Variants in ACSBG1 observed in about 807,000 individuals in gnomAD.
ACSBG1 encodes long-chain-fatty-acid--CoA ligase ACSBG1.
A neutral mutation model predicts 80.2 loss-of-function variants in ACSBG1; 39 were observed. The observed-to-expected ratio is 0.49, with a 90% confidence interval of 0.38 to 0.64. The LOEUF (loss-of-function observed/expected upper bound fraction) is 0.64, where lower values mean the gene tolerates loss of function less well. Among genes scored for constraint, ACSBG1 ranks in the 30% least tolerant of loss-of-function variants. The pLI is 0.00. For missense variants in ACSBG1, 828 were observed against 966.4 expected (o/e 0.86, Z 1.90); for synonymous variants, 392 against 379.5 (o/e 1.03, Z -0.38).
rs771242901 is a variant in ACSBG1, at chr15:78,173,721, T to A, written c.1961A>T (p.Asp654Val). The change falls in exon 13 of 14, where the codon GAT becomes GTT. Residue 654 changes from aspartate (D) to valine (V), a missense_variant. By Grantham distance (152) the Asp-to-Val change is radical. This residue lies in a region of ACSBG1 where 201 missense variants were observed against 227.0 expected (regional missense o/e 0.89). Transcript: ENST00000258873. ...TTVSEIIEKK[D>V]EAVYQAIEEG... ...TTCGATGGCCTGGTACACGGCCTCA[T>A]CCTTCTTCTCTATGATCTCGGACAC... The A allele has an allele frequency of 1.2e-6, 2 of 1,614,260 alleles. No individual in the cohort carries two copies. The highest frequency in any genetic ancestry group is 3.3e-5 in the Admixed American group (2 of 60,032).
intron 2 of ACSBG1, among the ~76,000 whole-genome samples, chr15:78,205,131 A>G (rs2075201717): frequency 6.6e-6 from 1 of 151,774 alleles, no homozygotes; most frequent in African/African-American, 2.4e-5. Context: ...CTGGGCTTCA[A>G]GCTCTATCTA....
intron 1 of ACSBG1, among the ~76,000 whole-genome samples, chr15:78,229,793 A>C (rs1463317633): frequency 6.6e-6 from 1 of 152,004 alleles, no homozygotes; most frequent in Non-Finnish European, 1.5e-5. Flanking sequence ...GGCTCTCCCC[A>C]GGCTTCTGCT....
Position 78,171,437 on chromosome 15 carries a change from G to T in ACSBG1, c.*7C>A. The T allele has an allele frequency of 1.2e-6, 2 of 1,612,196 alleles. No individual in the cohort carries two copies. The highest frequency in any genetic ancestry group is 1.7e-6 in the Non-Finnish European group (2 of 1,178,294). Reference sequence around the variant, plus strand: ...TATTCTATAGAAACTGCAGGCATAGGCCCTGATTACATTTTTTGCTCTTGG... The same window carrying T: ...TATTCTATAGAAACTGCAGGCATAGTCCCTGATTACATTTTTTGCTCTTGG... On this transcript the variant is annotated 3_prime_UTR_variant, in exon 14 of 14. Transcript: ENST00000258873.
chr15:78,176,943 A>C (rs1441468320), intron 11 of ACSBG1, among the ~76,000 whole-genome samples: 2 of 152,156 alleles, frequency 1.3e-5, no homozygotes, highest in Non-Finnish European at 2.9e-5. Flanking sequence ...TAAATAAATA[A>C]ATAAATAGGT....
intron 1 of ACSBG1, among the ~76,000 whole-genome samples, chr15:78,233,389 C>G (rs1567104310): frequency 1.3e-5 from 2 of 152,230 alleles, no homozygotes; most frequent in African/African-American, 2.4e-5. Context: ...TCCATCAGGA[C>G]AGGGGCTGTA....
chr15:78,222,845 G>T (rs1273596804), intron 1 of ACSBG1, among the ~76,000 whole-genome samples: 1 of 152,138 alleles, frequency 6.6e-6, no homozygotes, highest in Non-Finnish European at 1.5e-5. Flanking sequence ...GATCAAGCAA[G>T]AATTCTTTTC....
intron 1 of ACSBG1, among the ~76,000 whole-genome samples, chr15:78,223,642 T>A (rs989158692): frequency 6.6e-6 from 1 of 152,128 alleles, no homozygotes. Context: ...CAACAGCCAG[T>A]GTGGTAAGTT....
At chr15:78,180,959 G>A (rs928767641) in intron 8 of ACSBG1, 23 bp from the exon 9 acceptor site, 1 of 1,606,656 alleles carries the variant, frequency 6.2e-7, no homozygotes, top group African/African-American at 1.3e-5. Context: ...GAAGAGGCAG[G>A]CCTGTTGGGT....
chr15:78,227,830 T>A (rs1281646920), intron 1 of ACSBG1, among the ~76,000 whole-genome samples: 1 of 152,208 alleles, frequency 6.6e-6, no homozygotes, highest in Non-Finnish European at 1.5e-5. Context: ...ACTGAGACAC[T>A]TGGCAATACT....
chr15:78,173,913 T>TA, intron 12 of ACSBG1, 74 bp from the exon 13 acceptor site: 2 of 1,537,190 alleles, frequency 1.3e-6, no homozygotes, highest in South Asian at 1.3e-5. Flanking sequence ...GAGGAGGTCT[T>TA]ACTGCTGTCG....
At chr15:78,227,861 C>T (rs943841864) in intron 1 of ACSBG1, among the ~76,000 whole-genome samples, 1 of 152,210 alleles carries the variant, frequency 6.6e-6, no homozygotes, top group South Asian at 2.1e-4. Flanking sequence ...ACAAACATTT[C>T]GATGAGTGCA....
rs903843885 is a variant in ACSBG1 at position 78,177,542 on chromosome 15, T to C, written c.1702+1072A>G. The stretch of plus-strand genomic sequence containing the variant: ...GGATGTGGGTCCCCTCATCGGCCAT[T>C]ACAAAGAGGCACACTAGGCGGCGCC... On this transcript the variant is annotated intron_variant, in intron 11 of 13. Transcript: ENST00000258873. This position sits in a 1 kb window ranked among gnomAD's most constrained non-coding sequence, Gnocchi z 4.1. Among the ~76,000 whole-genome samples the C allele has an allele frequency of 3.9e-5, 6 of 152,070 alleles. No homozygotes were observed. The highest frequency in any genetic ancestry group is 8.8e-5 in the Non-Finnish European group (6 of 68,010).
At chr15:78,182,636 C>T (rs1307713603) in intron 6 of ACSBG1, 21 bp from the exon 7 acceptor site, 2 of 1,613,802 alleles carry the variant, frequency 1.2e-6, no homozygotes, top group African/African-American at 2.7e-5. Flanking sequence ...ATGCAGGGAG[C>T]AGGCAGGCTA....
chr15:78,180,000 G>A (rs1169585135), intron 9 of ACSBG1, among the ~76,000 whole-genome samples: 1 of 152,164 alleles, frequency 6.6e-6, no homozygotes, highest in African/African-American at 2.4e-5. Flanking sequence ...GTGCAAATAT[G>A]TCTTGACCCA....
rs1421771171 is a variant in ACSBG1, at chr15:78,173,682, C to T, written c.2000G>A (p.Arg667Lys). The T allele has an allele frequency of 1.2e-6, 2 of 1,614,236 alleles. No homozygotes were observed. The highest frequency in any genetic ancestry group is 1.3e-5 in the African/African-American group (1 of 75,058). Residue 667 changes from arginine to lysine, a missense_variant, in exon 13 of 14, where the codon AGG (arginine) becomes AAG (lysine). By Grantham distance (26) the Arg-to-Lys change is conservative (BLOSUM62 2). Around this residue, in one of 3 missense-constraint regions of ACSBG1, gnomAD observed 201 missense variants for 227.0 expected, o/e 0.89. Coordinates refer to ENST00000258873, the MANE Select transcript of ACSBG1 (RefSeq NM_015162.5). Reference sequence around the variant, plus strand: ...CCGGGCCGCCGCGTTCATGTTGACCCTCCGGATCCCCTCTTCGATGGCCTG... The same window carrying T: ...CCGGGCCGCCGCGTTCATGTTGACCTTCCGGATCCCCTCTTCGATGGCCTG... ...VYQAIEEGIR[R>K]VNMNAAARPY...
rs900500973 is a variant in ACSBG1 at position 78,218,245 on chromosome 15, C to T, written c.132-10143G>A. ...ATGAGAAGAAAGAACACTGCCTATT[C>T]CTCAGACTCCAGAGGAACTTTATGG... On this transcript the variant is annotated intron_variant, in intron 1 of 13. Transcript: ENST00000258873. Among the ~76,000 whole-genome samples, 5 of 150,806 alleles carry T rather than the reference C, an allele frequency of 3.3e-5. No homozygotes were observed. In the South Asian group the frequency reaches 8.5e-4, roughly 26 times the overall value.
At chr15:78,207,925 A>ACCCCCCCCCCCACCCCC in intron 2 of ACSBG1, 77 bp downstream of exon 2, 2 of 454,976 alleles carry the variant, frequency 4.4e-6, no homozygotes, top group African/African-American at 2.1e-5. Context: ...GGTCCCCCAC[A>ACCCCCCCCCCCACCCCC]CCACCCACCC....
At position 78,177,729 on chromosome 15, in the gene ACSBG1, G is replaced by C. The variant is rs2074897057; in HGVS notation, c.1702+885C>G. Among the ~76,000 whole-genome samples the C allele has an allele frequency of 6.6e-6, 1 of 152,122 alleles. No individual in the cohort carries two copies. Among genetic ancestry groups the C allele is most frequent in the African/African-American group, 2.4e-5 (1 of 41,432 alleles). ...TGGCCATCAGTTGGGTCCTGGGCAT[G>C]GTCGCACACTGCCTGCATGATGTCC... On this transcript the variant is annotated intron_variant, in intron 11 of 13. Coordinates refer to ENST00000258873, the MANE Select transcript of ACSBG1 (RefSeq NM_015162.5). This position sits in a 1 kb window ranked among gnomAD's most constrained non-coding sequence, Gnocchi z 4.1.
At chr15:78,171,563 C>T (rs762981722) in intron 13 of ACSBG1, 34 bp from the exon 14 acceptor site, 1 of 1,569,402 alleles carries the variant, frequency 6.4e-7, no homozygotes, top group Admixed American at 1.7e-5. Context: ...GAGTGAGGCC[C>T]AGGCTCTGAG....
Sources: gnomAD v4.1 joint callset for allele counts (sites outside exome capture counted in the v4.1 genomes callset) on GRCh38, gnomAD v4.1.1 for gene constraint, gnomAD v4.1.1 regional missense constraint, Gnocchi (gnomAD v3.1) non-coding constraint, MANE v1.5 for transcripts, NCBI Gene and HGNC (gene_info 2026-07-23, HGNC 2026-07-21) for gene names.